ABHD2: variants seen among roughly 807,000 people sequenced by gnomAD.
The protein encoded by ABHD2 is abhydrolase domain containing 2, acylglycerol lipase.
A neutral mutation model predicts 48.1 loss-of-function variants in ABHD2; 20 were observed. That is an observed-to-expected ratio of 0.42 (90% CI 0.29 to 0.60). ABHD2 has a LOEUF of 0.60. Ranked by LOEUF, ABHD2 falls within the 20% of genes least tolerant of loss-of-function variation. The pLI, the probability that ABHD2 is intolerant of heterozygous loss-of-function variation, is 0.24. For synonymous variants in ABHD2, 209 were observed against 214.2 expected (o/e 0.98, Z 0.21); for missense variants, 405 against 550.9 (o/e 0.74, Z 2.65).
rs139929866 is a variant in ABHD2, at chr15:89,189,797, A to T, written c.927-1283A>T. 3.6e-3 allele frequency among the ~76,000 whole-genome samples: 531 copies of T among 148,058 alleles called. 9 individuals carry two copies. The highest frequency in any genetic ancestry group is 0.033 in the Admixed American group (502 of 15,078). On this transcript the variant is annotated intron_variant, in intron 8 of 10. Transcript: ENST00000352732. This position sits in a 1 kb window ranked among gnomAD's most constrained non-coding sequence, Gnocchi z 4.9. Reference sequence around the variant, plus strand: ...ATTGCGGTGTGTGGTAAGAAAAAACAAATTAAATTTCCCATTCATCTCCTA... The same window carrying T: ...ATTGCGGTGTGTGGTAAGAAAAAACTAATTAAATTTCCCATTCATCTCCTA...
intron 3 of ABHD2, among the ~76,000 whole-genome samples, chr15:89,141,338 T>A (rs2050398967): frequency 6.6e-6 from 1 of 152,042 alleles, no homozygotes; most frequent in African/African-American, 2.4e-5. Context: ...GACCCCACTA[T>A]AAAAACAGAA....
chr15:89,117,288 A>C (rs1596078789), intron 3 of ABHD2, among the ~76,000 whole-genome samples: 1 of 152,202 alleles, frequency 6.6e-6, no homozygotes, highest in African/African-American at 2.4e-5. Flanking sequence ...GGCCTCCCAA[A>C]GTGCTGGGAT....
intron 1 of ABHD2, among the ~76,000 whole-genome samples, chr15:89,098,133 G>A: frequency 6.6e-6 from 1 of 152,152 alleles, no homozygotes; most frequent in East Asian, 1.9e-4. Flanking sequence ...ACCCACCTCA[G>A]CCTCCCAAAG....
the ABHD2 span, among the ~76,000 whole-genome samples, chr15:89,066,548 C>T: frequency 2.0e-5 from 3 of 152,092 alleles, no homozygotes; most frequent in Non-Finnish European, 4.4e-5. Flanking sequence ...AGGACTTGAA[C>T]ATATATTTTG....
At chr15:89,156,406 C>G (rs2050675205) in intron 5 of ABHD2, among the ~76,000 whole-genome samples, 1 of 152,102 alleles carries the variant, frequency 6.6e-6, no homozygotes, top group African/African-American at 2.4e-5. Flanking sequence ...CAGGCATGAG[C>G]CACCGCGCCC....
chr15:89,054,374 G>T, the ABHD2 span, among the ~76,000 whole-genome samples: 1 of 151,646 alleles, frequency 6.6e-6, no homozygotes, highest in Non-Finnish European at 1.5e-5. Flanking sequence ...CCACCAAAAT[G>T]TATGCATGTC....
In ABHD2 at chr15:89,189,078, G is replaced by A. The variant is rs1478240944; in HGVS notation, c.926+775G>A. On this transcript the variant is annotated intron_variant, in intron 8 of 10. Transcript: ENST00000352732. The surrounding 1 kb of genome is among the most constrained non-coding windows in gnomAD (Gnocchi z 4.9). ...GGCACCTGAGGTTGCAGCCTTGACAGTGGCCTCTTTCCTGGTTCCAGTAGT... is the reference window on the plus strand; with the variant it reads ...GGCACCTGAGGTTGCAGCCTTGACAATGGCCTCTTTCCTGGTTCCAGTAGT... Among the ~76,000 whole-genome samples the A allele has an allele frequency of 6.6e-6, 1 of 152,190 alleles. No individual in the cohort carries two copies. Among genetic ancestry groups the A allele is most frequent in the African/African-American group, 2.4e-5 (1 of 41,434 alleles).
chr15:89,106,039 T>G lies in ABHD2; in HGVS notation c.-106-7686T>G, dbSNP rs2049779111. ...TTTAAAACCCAGAGTATTGGCCAGG[T>G]GCAGTAGCTCACGCCTGTAATTCCA... On this transcript the variant is annotated intron_variant, in intron 1 of 10. Coordinates refer to ENST00000352732, the MANE Select transcript of ABHD2 (RefSeq NM_152924.5). The surrounding 1 kb of genome is among the most constrained non-coding windows in gnomAD (Gnocchi z 4.2). 6.6e-6 allele frequency among the ~76,000 whole-genome samples: 1 copy of G among 152,066 alleles called. No individual in the cohort carries two copies. Among genetic ancestry groups the G allele is most frequent in the African/African-American group, 2.4e-5 (1 of 41,400 alleles).
rs1384833263 is a variant in ABHD2, at chr15:89,104,302, G to A, written c.-106-9423G>A. On this transcript the variant is annotated intron_variant, in intron 1 of 10. Transcript: ENST00000352732. This position sits in a 1 kb window ranked among gnomAD's most constrained non-coding sequence, Gnocchi z 4.4. ...GACCTCAGCTTTGCCCAGCTGGGGT[G>A]AGTGGGCCGAGCAAGTCTCTCCTTT... is the stretch of plus-strand genomic sequence containing the variant. The A allele has an allele frequency of 6.6e-6, 1 of 152,280 alleles. No individual in the cohort carries two copies. Among genetic ancestry groups the A allele is most frequent in the Non-Finnish European group, 1.5e-5 (1 of 68,082 alleles). 9.4% of individuals were successfully genotyped at this position (152,280 alleles called of 1,614,324 possible).
In ABHD2 at chr15:89,092,032, T is replaced by C. The variant is rs1449273666; in HGVS notation, c.-107+3469T>C. ...TGCTGCTGTTTCTTTGTTGATACCA[T>C]ACAGATGCTACATTATCTCCTTTCA... is the stretch of plus-strand genomic sequence containing the variant. On this transcript the variant is annotated intron_variant, in intron 1 of 10. Coordinates refer to ENST00000352732, the MANE Select transcript of ABHD2 (RefSeq NM_152924.5). The surrounding 1 kb of genome is among the most constrained non-coding windows in gnomAD (Gnocchi z 4.4). 6.6e-6 allele frequency among the ~76,000 whole-genome samples: 1 copy of C among 152,260 alleles called. No individual in the cohort carries two copies. The highest frequency in any genetic ancestry group is 2.4e-5 in the African/African-American group (1 of 41,466).
intron 1 of ABHD2, among the ~76,000 whole-genome samples, chr15:89,105,770 C>T (rs72760641): frequency 0.012 from 1,791 of 152,326 alleles, 18 homozygotes; most frequent in Non-Finnish European, 0.019. Flanking sequence ...CAGTGTTTCT[C>T]AGCATCTCTG....
At chr15:89,144,740 G>C (rs1320546568) in intron 3 of ABHD2, among the ~76,000 whole-genome samples, 2 of 152,186 alleles carry the variant, frequency 1.3e-5, no homozygotes, top group African/African-American at 2.4e-5. Context: ...CTTTTGCAGT[G>C]ATGAAATATT....
intron 1 of ABHD2, among the ~76,000 whole-genome samples, chr15:89,090,025 T>G (rs573062538): frequency 1.2e-4 from 19 of 152,316 alleles, no homozygotes; most frequent in African/African-American, 4.1e-4. Flanking sequence ...CAGGGCTGGT[T>G]GGTCATCACA....
rs982345593 is a variant in ABHD2 at position 89,198,380 on chromosome 15, C to A, written c.*2957C>A. 3.3e-5 allele frequency: 5 copies of A among 152,118 alleles called. No homozygotes were observed. The highest frequency in any genetic ancestry group is 6.5e-5 in the Admixed American group (1 of 15,272). 9.4% of individuals were successfully genotyped at this position (152,118 alleles called of 1,614,324 possible). A position where few individuals can be genotyped will look rare whatever the true frequency, so the allele number is the denominator to read the frequency against. ...TTCCAGTCAAATTAGGATTAACTGACTCAAAAAATGGTGTCAAGTTTCTTT... is the reference window on the plus strand; with the variant it reads ...TTCCAGTCAAATTAGGATTAACTGAATCAAAAAATGGTGTCAAGTTTCTTT... On this transcript the variant is annotated 3_prime_UTR_variant, in exon 11 of 11. Transcript: ENST00000352732. The surrounding 1 kb of genome is among the most constrained non-coding windows in gnomAD (Gnocchi z 5.1).
At position 89,179,100 on chromosome 15, in the gene ABHD2, AG is replaced by A. The variant is rs1343177930; in HGVS notation, c.722+3107del. On this transcript the variant is annotated intron_variant, in intron 6 of 10. Coordinates refer to ENST00000352732, the MANE Select transcript of ABHD2 (RefSeq NM_152924.5). The surrounding 1 kb of genome is among the most constrained non-coding windows in gnomAD (Gnocchi z 4.3). ...CATGTTACTAAGATATTACACATTTAGGCATATGGGTGCCAAGGAGGTCCTC... is the reference window on the plus strand; with the variant it reads ...CATGTTACTAAGATATTACACATTTAGCATATGGGTGCCAAGGAGGTCCTC... Among the ~76,000 whole-genome samples the A allele has an allele frequency of 6.6e-6, 1 of 152,244 alleles. No individual in the cohort carries two copies. The highest frequency in any genetic ancestry group is 1.5e-5 in the Non-Finnish European group (1 of 68,040).
chr15:89,140,774 A>G (rs911464865), intron 3 of ABHD2, among the ~76,000 whole-genome samples: 2 of 151,964 alleles, frequency 1.3e-5, no homozygotes, highest in Non-Finnish European at 2.9e-5. Flanking sequence ...ACGTTTAAAG[A>G]TGTGTTTTTG....
At chr15:89,131,853 G>A (rs2050224641) in intron 3 of ABHD2, among the ~76,000 whole-genome samples, 1 of 152,124 alleles carries the variant, frequency 6.6e-6, no homozygotes, top group Non-Finnish European at 1.5e-5. Flanking sequence ...TCCAGAGTAG[G>A]AAGTTCAATA....
the ABHD2 span, among the ~76,000 whole-genome samples, chr15:89,061,928 G>A: frequency 5.3e-5 from 8 of 152,154 alleles, no homozygotes; most frequent in African/African-American, 1.9e-4. Flanking sequence ...ATTAATAGCT[G>A]CCTAACTATT....
intron 3 of ABHD2, among the ~76,000 whole-genome samples, chr15:89,147,996 G>T (rs959776467): frequency 6.6e-6 from 1 of 151,228 alleles, no homozygotes; most frequent in African/African-American, 2.4e-5. Flanking sequence ...ATGCGTGCCT[G>T]TAATCTGAGC....
Sources: allele counts gnomAD v4.1 joint callset (sites outside exome capture counted in the v4.1 genomes callset), GRCh38; gene constraint gnomAD v4.1.1; non-coding constraint Gnocchi (gnomAD v3.1); transcripts MANE v1.5; gene names NCBI Gene and HGNC (gene_info 2026-07-23, HGNC 2026-07-21).